INPP4B: variants seen among roughly 807,000 people sequenced by gnomAD.
The protein encoded by INPP4B is inositol polyphosphate-4-phosphatase type II B.
In INPP4B, 55 loss-of-function variants were observed where a neutral mutation model predicts 122.5. The ratio of observed to expected loss-of-function variants is 0.45; its 90% CI spans 0.36 to 0.56. INPP4B has a LOEUF of 0.56. Among genes scored for constraint, INPP4B ranks in the 20% least tolerant of loss-of-function variants. The pLI is 0.00. For synonymous variants in INPP4B, 403 were observed against 388.7 expected (o/e 1.04, Z -0.43); for missense variants, 1,000 against 1,097.7 (o/e 0.91, Z 1.26).
chr4:142,586,031 C>T (rs1027159034), intron 2 of INPP4B, among the ~76,000 whole-genome samples: 9 of 151,834 alleles, frequency 5.9e-5, no homozygotes, highest in Non-Finnish European at 8.8e-5. Flanking sequence ...TAAATTGGGC[C>T]GGGAGTGGTG....
chr4:142,023,943 C>A lies in INPP4B; in HGVS notation c.*4839G>T, dbSNP rs191705910. The A allele has an allele frequency of 2.4e-4, 36 of 149,912 alleles. 1 individual carries two copies. The highest frequency in any genetic ancestry group is 2.2e-4 in the Non-Finnish European group (15 of 67,842). The allele number at this position is 149,912 out of a possible 1,614,324, so 9.3% of individuals were successfully genotyped here. On this transcript the variant is annotated 3_prime_UTR_variant, in exon 26 of 26. Transcript: ENST00000262992. ...CAATTTAGGATAGCTAAATTCATTA[C>A]ATTTTTTTTTTTGCTTATATTACCT...
At position 142,663,829 on chromosome 4, in the gene INPP4B, C is replaced by T. The variant is rs535078483; in HGVS notation, c.-191+62010G>A. On this transcript the variant is annotated intron_variant, in intron 2 of 25. Transcript: ENST00000262992. The stretch of plus-strand genomic sequence containing the variant: ...GTATTGAAAATTTAGAAAAATCTTT[C>T]AGTAAGTGGAAATTTTCACTCTGAT... 2.0e-5 allele frequency among the ~76,000 whole-genome samples: 3 copies of T among 151,992 alleles called. No homozygotes were observed. The East Asian group carries it at 5.8e-4, about 29-fold the overall frequency.
intron 2 of INPP4B, among the ~76,000 whole-genome samples, chr4:142,623,052 T>C (rs1745323256): frequency 6.6e-6 from 1 of 152,022 alleles, no homozygotes; most frequent in South Asian, 2.1e-4. Context: ...CCTACACTTC[T>C]GACTTTCTGA....
chr4:142,499,579 C>A (rs900439589), intron 2 of INPP4B, among the ~76,000 whole-genome samples: 1 of 152,110 alleles, frequency 6.6e-6, no homozygotes, highest in Non-Finnish European at 1.5e-5. Context: ...CATTTACAAA[C>A]TATTTTTTTG....
chr4:142,465,746 C>T (rs772894644), intron 2 of INPP4B, among the ~76,000 whole-genome samples: 3 of 152,132 alleles, frequency 2.0e-5, no homozygotes, highest in Non-Finnish European at 2.9e-5. Flanking sequence ...GGGGGAGGAT[C>T]CTTCATGAAT....
chr4:142,600,764 T>A (rs1739721794), intron 2 of INPP4B, among the ~76,000 whole-genome samples: 1 of 152,056 alleles, frequency 6.6e-6, no homozygotes. Context: ...ACTGATTAGA[T>A]TAAGAATGAT....
chr4:142,569,877 C>T (rs1240187032), intron 2 of INPP4B, among the ~76,000 whole-genome samples: 1 of 151,716 alleles, frequency 6.6e-6, no homozygotes, highest in Non-Finnish European at 1.5e-5. Context: ...TAACAAATGC[C>T]ACCTCTCATA....
At chr4:142,583,008 C>T (rs1560828238) in intron 2 of INPP4B, among the ~76,000 whole-genome samples, 1 of 152,040 alleles carries the variant, frequency 6.6e-6, no homozygotes, top group Non-Finnish European at 1.5e-5. Context: ...GAATGCATTG[C>T]TAAGACTGAG....
At chr4:142,316,915 G>A (rs963510367) in intron 7 of INPP4B, among the ~76,000 whole-genome samples, 1 of 152,192 alleles carries the variant, frequency 6.6e-6, no homozygotes, top group Non-Finnish European at 1.5e-5. Context: ...ATGTGCCAGT[G>A]AATAATGCCC....
intron 2 of INPP4B, among the ~76,000 whole-genome samples, chr4:142,537,429 T>TATATATATATATATATATATAGAGAG (rs1200701380): frequency 3.9e-5 from 1 of 25,486 alleles, no homozygotes; most frequent in Admixed American, 3.9e-4. Flanking sequence ...TATATATATA[T>TATATATATATATATATATATAGAGAG]AGAGAGAGAG....
chr4:142,584,648 T>A (rs543980668), intron 2 of INPP4B, among the ~76,000 whole-genome samples: 5 of 152,006 alleles, frequency 3.3e-5, no homozygotes, highest in African/African-American at 9.7e-5. Flanking sequence ...TATCTACATA[T>A]GACATATCAC....
chr4:142,738,230 C>T (rs1767293252), intron 1 of INPP4B, among the ~76,000 whole-genome samples: 1 of 152,118 alleles, frequency 6.6e-6, no homozygotes, highest in South Asian at 2.1e-4. Context: ...CAGTGATAGA[C>T]TGGATTAAGA....
intron 16 of INPP4B, among the ~76,000 whole-genome samples, chr4:142,161,732 C>T (rs932450508): frequency 1.3e-5 from 2 of 151,748 alleles, no homozygotes; most frequent in African/African-American, 4.8e-5. Context: ...AAAACAGGTG[C>T]CCAGTAAGAT....
chr4:142,587,456 G>GA (rs1426084847), intron 2 of INPP4B, among the ~76,000 whole-genome samples: 2 of 151,160 alleles, frequency 1.3e-5, no homozygotes, highest in Non-Finnish European at 3.0e-5. Flanking sequence ...ATAACCTTCT[G>GA]AAAAAAAAGT....
At chr4:142,155,070 C>T (rs1816460017) in intron 17 of INPP4B, among the ~76,000 whole-genome samples, 1 of 151,494 alleles carries the variant, frequency 6.6e-6, no homozygotes, top group Admixed American at 6.6e-5. Flanking sequence ...CTATCACTTA[C>T]AAAATTTGGA....
intron 2 of INPP4B, among the ~76,000 whole-genome samples, chr4:142,471,762 C>A (rs1041804014): frequency 6.6e-5 from 9 of 136,208 alleles, no homozygotes; most frequent in Non-Finnish European, 1.5e-4. Context: ...CTCCTGAGCA[C>A]CCGCAATCCA....
intron 7 of INPP4B, among the ~76,000 whole-genome samples, chr4:142,388,070 A>G (rs1027432982): frequency 6.6e-6 from 1 of 152,200 alleles, no homozygotes; most frequent in African/African-American, 2.4e-5. Context: ...TTCTCTTCTT[A>G]AATCTTCCTT....
intron 18 of INPP4B, 67 bp downstream of exon 18, chr4:142,145,773 T>C (rs79096022): frequency 5.7e-6 from 8 of 1,404,530 alleles, no homozygotes; most frequent in Non-Finnish European, 7.9e-6. Context: ...TTCTATATCA[T>C]TTTTTTTTCA....
chr4:142,720,636 T>G (rs867006590), intron 2 of INPP4B, among the ~76,000 whole-genome samples: 15 of 148,306 alleles, frequency 1.0e-4, no homozygotes, highest in African/African-American at 3.5e-4. Flanking sequence ...TATTGTCTGT[T>G]TTTTTTTCCA....
Sources: allele counts gnomAD v4.1 joint callset (sites outside exome capture counted in the v4.1 genomes callset), GRCh38; gene constraint gnomAD v4.1.1; transcripts MANE v1.5; gene names NCBI Gene and HGNC (gene_info 2026-07-23, HGNC 2026-07-21).